Variants in SUCLG2 observed in about 807,000 individuals in gnomAD.
The protein encoded by SUCLG2 is succinate--CoA ligase [GDP-forming] subunit beta, mitochondrial.
SUCLG2 carries 42 observed loss-of-function variants against 47.9 expected under a neutral mutation model. That is an observed-to-expected ratio of 0.88 (90% CI 0.69 to 1.14). SUCLG2 has a LOEUF of 1.14. Ranked by LOEUF, SUCLG2 falls within the 50% of genes most tolerant of loss-of-function variation. The probability of loss-of-function intolerance (pLI) is 0.00; values close to 1 mark genes in which losing one functional copy is unlikely to be tolerated. For missense variants in SUCLG2, 571 were observed against 525.9 expected (o/e 1.09, Z -0.84); for synonymous variants, 195 against 197.3 (o/e 0.99, Z 0.10).
At chr3:67,416,466 T>C (rs1305682389) in intron 9 of SUCLG2, among the ~76,000 whole-genome samples, 1 of 152,178 alleles carries the variant, frequency 6.6e-6, no homozygotes, top group Non-Finnish European at 1.5e-5. Flanking sequence ...AATCCCACTA[T>C]AATAATACTG....
At chr3:67,528,335 C>A in intron 3 of SUCLG2, 113 bp from the exon 4 acceptor site, 1 of 922,028 alleles carries the variant, frequency 1.1e-6, no homozygotes, top group Non-Finnish European at 1.7e-6. Context: ...TTCACCCTCA[C>A]AAAATCCATG....
intron 2 of SUCLG2, among the ~76,000 whole-genome samples, chr3:67,586,974 G>A (rs1329078138): frequency 6.6e-6 from 1 of 152,092 alleles, no homozygotes; most frequent in Non-Finnish European, 1.5e-5. Context: ...CTATCAGACA[G>A]CCATGTTATA....
intron 2 of SUCLG2, among the ~76,000 whole-genome samples, chr3:67,596,728 T>C (rs540530035): frequency 2.6e-5 from 4 of 152,196 alleles, no homozygotes; most frequent in African/African-American, 7.2e-5. Flanking sequence ...TAACGTCCCA[T>C]TGAAAAGAGG....
chr3:67,413,712 T>C (rs1459860980), intron 9 of SUCLG2, among the ~76,000 whole-genome samples: 1 of 152,228 alleles, frequency 6.6e-6, no homozygotes, highest in Non-Finnish European at 1.5e-5. Flanking sequence ...TTCTAGGAAC[T>C]GAGCAGCATC....
At chr3:67,404,241 C>T (rs537145654) in intron 9 of SUCLG2, among the ~76,000 whole-genome samples, 59 of 151,542 alleles carry the variant, frequency 3.9e-4, no homozygotes, top group African/African-American at 1.4e-3. Flanking sequence ...CCTGAAACGC[C>T]GAAGAGAAGT....
At chr3:67,477,829 C>T (rs965177285) in intron 9 of SUCLG2, among the ~76,000 whole-genome samples, 2 of 152,050 alleles carry the variant, frequency 1.3e-5, no homozygotes, top group East Asian at 1.9e-4. Flanking sequence ...AAATATGGTA[C>T]AGAATGAATA....
At chr3:67,380,872 C>T (rs1055423725) in intron 10 of SUCLG2, among the ~76,000 whole-genome samples, 2 of 152,154 alleles carry the variant, frequency 1.3e-5, no homozygotes, top group Non-Finnish European at 2.9e-5. Context: ...GATGCTGGCA[C>T]CATCTCTTTG....
chr3:67,539,602 T>G (rs1453614438), intron 2 of SUCLG2, among the ~76,000 whole-genome samples: 1 of 152,232 alleles, frequency 6.6e-6, no homozygotes, highest in African/African-American at 2.4e-5. Context: ...GTCCCTCCTT[T>G]TCTATTGTTT....
intron 10 of SUCLG2, among the ~76,000 whole-genome samples, chr3:67,389,336 T>C (rs1277216306): frequency 6.6e-6 from 1 of 151,994 alleles, no homozygotes; most frequent in Non-Finnish European, 1.5e-5. Flanking sequence ...AGAGAGTGCA[T>C]GTGGAGAAAG....
chr3:67,428,710 T>C (rs1190314510), intron 9 of SUCLG2, among the ~76,000 whole-genome samples: 3 of 152,124 alleles, frequency 2.0e-5, no homozygotes, highest in African/African-American at 7.2e-5. Context: ...TGAAAAAATA[T>C]TAGACAAATG....
At chr3:67,573,787 T>TC (rs1348046015) in intron 2 of SUCLG2, among the ~76,000 whole-genome samples, 2 of 152,130 alleles carry the variant, frequency 1.3e-5, no homozygotes, top group East Asian at 1.9e-4. Flanking sequence ...CCTTTTTTTT[T>TC]CTTTTTCACC....
intron 2 of SUCLG2, among the ~76,000 whole-genome samples, chr3:67,573,007 T>C (rs1707656515): frequency 6.6e-6 from 1 of 152,194 alleles, no homozygotes; most frequent in African/African-American, 2.4e-5. Flanking sequence ...AAAGATCAAT[T>C]GTATTTCAAC....
intron 1 of SUCLG2, among the ~76,000 whole-genome samples, chr3:67,631,716 T>C (rs1700929145): frequency 6.6e-6 from 1 of 152,220 alleles, no homozygotes; most frequent in Non-Finnish European, 1.5e-5. Context: ...CACCTCTCAA[T>C]GTGTAATTAT....
intron 6 of SUCLG2, among the ~76,000 whole-genome samples, chr3:67,510,224 G>T (rs1268127255): frequency 6.6e-6 from 1 of 152,184 alleles, no homozygotes; most frequent in Non-Finnish European, 1.5e-5. Context: ...CCCCACTGGT[G>T]TAAATATTGC....
At chr3:67,534,287 T>C (rs1480842531) in intron 2 of SUCLG2, among the ~76,000 whole-genome samples, 1 of 152,138 alleles carries the variant, frequency 6.6e-6, no homozygotes, top group Admixed American at 6.5e-5. Flanking sequence ...GATAAAGCCA[T>C]TTTGAAGAGT....
intron 2 of SUCLG2, among the ~76,000 whole-genome samples, chr3:67,540,138 A>G (rs1162747442): frequency 1.3e-5 from 2 of 150,990 alleles, no homozygotes; most frequent in African/African-American, 4.9e-5. Flanking sequence ...AGTTCTTTTA[A>G]TTGTGATGTT....
chr3:67,641,944 T>A (rs910337995), intron 1 of SUCLG2, among the ~76,000 whole-genome samples: 1 of 152,198 alleles, frequency 6.6e-6, no homozygotes, highest in African/African-American at 2.4e-5. Flanking sequence ...CATCTTCACA[T>A]GGCTTTCTCC....
intron 9 of SUCLG2, among the ~76,000 whole-genome samples, chr3:67,492,885 T>C (rs1263221034): frequency 1.3e-5 from 2 of 152,194 alleles, no homozygotes; most frequent in Non-Finnish European, 2.9e-5. Context: ...ACTGACATCA[T>C]GAGTGGAAAT....
intron 2 of SUCLG2, among the ~76,000 whole-genome samples, chr3:67,590,483 C>T (rs1347253679): frequency 6.6e-6 from 1 of 152,102 alleles, no homozygotes; most frequent in Non-Finnish European, 1.5e-5. Flanking sequence ...TTGATGCCCT[C>T]CTTGCAGACG....
Sources: allele counts gnomAD v4.1 joint callset (sites outside exome capture counted in the v4.1 genomes callset), GRCh38; gene constraint gnomAD v4.1.1; transcripts MANE v1.5; gene names NCBI Gene and HGNC (gene_info 2026-07-23, HGNC 2026-07-21).